Variants in RFX6 observed in about 807,000 individuals in gnomAD.
RFX6 encodes regulatory factor X6, also known as DNA-binding protein RFX6.
A neutral mutation model predicts 110.8 loss-of-function variants in RFX6; 50 were observed. That is an observed-to-expected ratio of 0.45 (90% CI 0.36 to 0.57). The LOEUF (loss-of-function observed/expected upper bound fraction) is 0.57, where lower values mean the gene tolerates loss of function less well. RFX6 is among the 20% of genes least tolerant of loss of function. The pLI is 0.00. For missense variants in RFX6, 990 were observed against 1,127.0 expected (o/e 0.88, Z 1.74); for synonymous variants, 383 against 411.2 (o/e 0.93, Z 0.83).
At chr6:116,903,363 G>A (rs1470323781) in intron 6 of RFX6, among the ~76,000 whole-genome samples, 3 of 151,860 alleles carry the variant, frequency 2.0e-5, no homozygotes, top group Non-Finnish European at 4.4e-5. Context: ...TAGAATTAAA[G>A]TTACATACTT....
chr6:116,893,959 A>C, intron 4 of RFX6, 28 bp from the exon 5 acceptor site: 1 of 1,373,438 alleles, frequency 7.3e-7, no homozygotes, highest in Non-Finnish European at 1.0e-6. Flanking sequence ...CTTCACTAAC[A>C]CAGAGCTGGT....
rs1252849123 is a variant in RFX6 at position 116,925,478 on chromosome 6, T to A, written c.1704T>A (p.Ala568=). The A allele has an allele frequency of 1.2e-6, 2 of 1,614,164 alleles. No individual in the cohort carries two copies. The highest frequency in any genetic ancestry group is 1.7e-6 in the Non-Finnish European group (2 of 1,179,970). The part of the protein sequence containing the change: ...NSDASKAAFT[A]SPSSCFLANR... ...ATGCGAGTAAAGCTGCTTTCACTGC[T>A]TCTCCGAGTTCATGCTTTCTGGCCA... The change falls in exon 16 of 19, where the codon GCT becomes GCA. Residue 568 remains alanine, a synonymous_variant. Coordinates refer to ENST00000332958, the MANE Select transcript of RFX6 (RefSeq NM_173560.4).
chr6:116,924,457 G>A (rs564152198), intron 14 of RFX6, among the ~76,000 whole-genome samples: 74 of 152,288 alleles, frequency 4.9e-4, no homozygotes, highest in Non-Finnish European at 9.0e-4. Flanking sequence ...AGCAGGGCAG[G>A]CAATACACAG....
intron 6 of RFX6, among the ~76,000 whole-genome samples, chr6:116,908,233 C>T (rs978411815): frequency 2.0e-5 from 3 of 151,974 alleles, no homozygotes; most frequent in Non-Finnish European, 2.9e-5. Flanking sequence ...CTCCCATATA[C>T]GAGTGAGAAC....
intron 5 of RFX6, among the ~76,000 whole-genome samples, chr6:116,894,798 A>G (rs1022940950): frequency 6.6e-6 from 1 of 151,272 alleles, no homozygotes; most frequent in Non-Finnish European, 1.5e-5. Context: ...TATCTTGTGG[A>G]AAAAAAAAGT....
At chr6:116,909,471 T>C (rs563144310) in intron 6 of RFX6, among the ~76,000 whole-genome samples, 1 of 152,062 alleles carries the variant, frequency 6.6e-6, no homozygotes, top group Non-Finnish European at 1.5e-5. Flanking sequence ...TAACATTCCT[T>C]GACAGTGCAA....
At chr6:116,928,642 TG>T (rs1775807152) in intron 17 of RFX6, 116 bp from the exon 18 acceptor site, 1 of 744,246 alleles carries the variant, frequency 1.3e-6, no homozygotes, top group Non-Finnish European at 2.4e-6. Flanking sequence ...TAGATACACA[TG>T]TAATACTTAC....
chr6:116,886,142 G>A (rs574077440), intron 4 of RFX6, among the ~76,000 whole-genome samples: 4 of 152,062 alleles, frequency 2.6e-5, no homozygotes, highest in African/African-American at 9.6e-5. Flanking sequence ...TTTTAGCATA[G>A]TATTACTAAA....
At chr6:116,901,347 A>C (rs1396201397) in intron 6 of RFX6, among the ~76,000 whole-genome samples, 2 of 103,010 alleles carry the variant, frequency 1.9e-5, no homozygotes, top group Non-Finnish European at 4.0e-5. Flanking sequence ...GTGACTATTA[A>C]TTAAGTAAAG....
rs2114701378 is a variant in RFX6, at chr6:116,924,780, T to C, written c.1667T>C (p.Met556Thr). Reference protein sequence around the residue: ...QELQNLLDKYMKNSDASKAAF... With the variant: ...QELQNLLDKYTKNSDASKAAF... ...TTACAGAATTTATTGGACAAGTATATGAAGAATTCAGGTAACTTAAAATAA... is the reference window on the plus strand; with the variant it reads ...TTACAGAATTTATTGGACAAGTATACGAAGAATTCAGGTAACTTAAAATAA... The change falls in exon 15 of 19, where the codon ATG (methionine) becomes ACG (threonine). Residue 556 changes from methionine to threonine, a missense_variant. Met to Thr is a moderately conservative substitution (Grantham distance 81). Coordinates refer to ENST00000332958, the MANE Select transcript of RFX6 (RefSeq NM_173560.4). 2 of 1,585,020 alleles carry C rather than the reference T, an allele frequency of 1.3e-6. No individual in the cohort carries two copies. The highest frequency in any genetic ancestry group is 2.2e-5 in the East Asian group (1 of 44,672).
At chr6:116,927,612 C>A in intron 17 of RFX6, 73 bp downstream of exon 17, 1 of 1,193,620 alleles carries the variant, frequency 8.4e-7, no homozygotes, top group Non-Finnish European at 1.2e-6. Flanking sequence ...TGCGTTCCAC[C>A]TCTGCTGACT....
rs775275738 is a variant in RFX6 at position 116,928,966 on chromosome 6, T to C, written c.2606T>C (p.Val869Ala). 2 of 1,596,842 alleles carry C rather than the reference T, an allele frequency of 1.3e-6. No homozygotes were observed. The highest frequency in any genetic ancestry group is 1.7e-6 in the Non-Finnish European group (2 of 1,164,208). ...TCTCCAGTTGCATGTCGAACTCCAG[T>C]CCTAGGTAAATTATTTTAGCAGTTC... Reference protein sequence around the residue: ...TSSPVACRTPVLASSLQTPIP... With the variant: ...TSSPVACRTPALASSLQTPIP... Residue 869 changes from valine (V) to alanine (A), a missense_variant, in exon 18 of 19, where the codon GTC becomes GCC. This residue lies in a region of RFX6 where 438 missense variants were observed against 441.9 expected (regional missense o/e 0.99). Transcript: ENST00000332958.
intron 16 of RFX6, among the ~76,000 whole-genome samples, chr6:116,925,861 T>G (rs1775714888): frequency 6.6e-6 from 1 of 152,010 alleles, no homozygotes; most frequent in East Asian, 1.9e-4. Flanking sequence ...TATCATGTCT[T>G]GACACACTCC....
chr6:116,895,117 T>A, intron 5 of RFX6, 63 bp from the exon 6 acceptor site: 1 of 856,550 alleles, frequency 1.2e-6, no homozygotes, highest in Non-Finnish European at 2.0e-6. Flanking sequence ...GTTGTCTACA[T>A]ATCATTGAAT....
intron 4 of RFX6, among the ~76,000 whole-genome samples, chr6:116,892,804 A>T (rs947453167): frequency 6.6e-6 from 1 of 152,190 alleles, no homozygotes; most frequent in Non-Finnish European, 1.5e-5. Flanking sequence ...AGCTATTCAT[A>T]TGGTATGTAG....
At chr6:116,931,293 A>G in intron 18 of RFX6, 38 bp from the exon 19 acceptor site, 2 of 1,498,478 alleles carry the variant, frequency 1.3e-6, no homozygotes, top group Non-Finnish European at 1.9e-6. Context: ...AGAAAATGTC[A>G]ATCAATTTTC....
intron 6 of RFX6, among the ~76,000 whole-genome samples, chr6:116,907,036 G>A (rs919788935): frequency 5.3e-5 from 8 of 151,778 alleles, no homozygotes; most frequent in Non-Finnish European, 8.8e-5. Flanking sequence ...TGTTGAGGTG[G>A]TTTTCCTATA....
intron 6 of RFX6, among the ~76,000 whole-genome samples, chr6:116,903,627 T>C (rs1775125900): frequency 1.3e-5 from 2 of 152,162 alleles, no homozygotes; most frequent in South Asian, 2.1e-4. Context: ...TCTGTAAAGT[T>C]TGCCACTTAC....
In RFX6 at chr6:116,894,217, T is replaced by C. The variant is rs1406980; in HGVS notation, c.644+153T>C. On this transcript the variant is annotated intron_variant, in intron 5 of 18. Transcript: ENST00000332958. ...CCGCTTTGTATGGATGATTATATAA[T>C]CTAGATTACTGGGAAAATTATATAA... Among the ~76,000 whole-genome samples, 55,995 of 152,014 alleles carry C rather than the reference T, an allele frequency of 0.37. 11,386 individuals are homozygous for C. Among genetic ancestry groups the C allele is most frequent in the East Asian group, 0.51 (2,638 of 5,172 alleles).
Sources: allele counts gnomAD v4.1 joint callset (sites outside exome capture counted in the v4.1 genomes callset), GRCh38; gene constraint gnomAD v4.1.1; regional missense constraint gnomAD v4.1.1; transcripts MANE v1.5; gene names NCBI Gene and HGNC (gene_info 2026-07-23, HGNC 2026-07-21).